Variants in AMY2B observed in about 807,000 individuals in gnomAD.
AMY2B encodes the protein amylase alpha 2B.
Under a neutral mutation model 59.3 loss-of-function variants are expected in AMY2B, and 63 were observed. That is an observed-to-expected ratio of 1.06 (90% CI 0.87 to 1.31). The LOEUF (loss-of-function observed/expected upper bound fraction) is 1.31. Among genes scored for constraint, AMY2B ranks in the 50% most tolerant of loss-of-function variants. The pLI is 0.00. For synonymous variants in AMY2B, 180 were observed against 198.1 expected, an observed-to-expected ratio of 0.91 and a Z score of 0.77; for missense variants, 635 against 626.7, an observed-to-expected ratio of 1.01 and a Z score of -0.14.
chr1:103,560,955 G>T (rs547143485), intron 1 of AMY2B, among the ~76,000 whole-genome samples: 15 of 152,020 alleles, frequency 9.9e-5, no homozygotes, highest in African/African-American at 3.4e-4. Context: ...ACTACAATTT[G>T]ACCATTAATA....
upstream of AMY2B, chr1:103,570,003 T>G: frequency 2.3e-6 from 1 of 442,366 alleles, no homozygotes; most frequent in South Asian, 1.9e-5. Flanking sequence ...ACACTGGCAT[T>G]GTCATGGGCT....
chr1:103,574,478 C>G, intron 5 of AMY2B, 85 bp downstream of exon 5: 1 of 1,598,682 alleles, frequency 6.3e-7, no homozygotes, highest in South Asian at 1.1e-5. Context: ...CTGGAACATT[C>G]TTTTTCAGAC....
intron 1 of AMY2B, among the ~76,000 whole-genome samples, chr1:103,563,665 T>C (rs1651810909): frequency 6.6e-6 from 1 of 152,116 alleles, no homozygotes; most frequent in South Asian, 2.1e-4. Context: ...CATGCAGTGC[T>C]AAATTCCCTA....
chr1:103,563,460 A>G (rs993324703), intron 1 of AMY2B, among the ~76,000 whole-genome samples: 8 of 152,148 alleles, frequency 5.3e-5, no homozygotes, highest in Non-Finnish European at 1.0e-4. Context: ...GATGCCGAAG[A>G]TGCTAAGAAT....
In AMY2B at chr1:103,579,349, G is replaced by A; in HGVS notation, c.1385G>A (p.Gly462Asp). The A allele has an allele frequency of 6.2e-7, 1 of 1,611,708 alleles. No individual in the cohort carries two copies. Among genetic ancestry groups the A allele is most frequent in the Non-Finnish European group, 8.5e-7 (1 of 1,179,702 alleles). The change falls in exon 10 of 10, where the codon GGC becomes GAC. Residue 462 changes from glycine (G) to aspartate (D), a missense_variant. Coordinates refer to ENST00000684275, the MANE Select transcript of AMY2B (RefSeq NM_001387437.1). ...SLTLQTGLPA[G>D]TYCDVISGDK... is the part of the protein sequence containing the mutation. ...ACTTTGCAAACTGGTCTTCCTGCTG[G>A]CACATACTGTGATGTCATTTCTGGA...
intron 7 of AMY2B, 59 bp from the exon 8 acceptor site, chr1:103,577,431 G>C: frequency 6.2e-7 from 1 of 1,611,168 alleles, no homozygotes; most frequent in Admixed American, 1.7e-5. Flanking sequence ...TTGGTTTAAA[G>C]GAGAAGGAAG....
upstream of AMY2B, chr1:103,570,545 A>G (rs1434131552): frequency 7.2e-5 from 44 of 607,302 alleles, no homozygotes. Flanking sequence ...TCGCATCCCC[A>G]GAGCACAAGT....
chr1:103,573,368 GAC>G, intron 3 of AMY2B, 108 bp downstream of exon 3: 1 of 1,559,868 alleles, frequency 6.4e-7, no homozygotes, highest in Non-Finnish European at 8.7e-7. Context: ...ATCTCTTAGG[GAC>G]ACAGGTTAAC....
intron 8 of AMY2B, 41 bp from the exon 9 acceptor site, chr1:103,577,679 G>A: frequency 1.4e-5 from 23 of 1,611,878 alleles, no homozygotes; most frequent in Non-Finnish European, 1.8e-5. Context: ...AACAGTTGAA[G>A]TTTAAGAATA....
Position 103,573,915 on chromosome 1 carries a change from A to T in AMY2B, c.721A>T (p.Ser241Cys), listed in dbSNP as rs1652240321. Residue 241 changes from serine (S) to cysteine (C), a missense_variant, in exon 4 of 10, where the codon AGT becomes TGT. Physicochemically the swap from Ser to Cys is moderately radical, Grantham distance 112 (BLOSUM62 -1). Coordinates refer to ENST00000684275, the MANE Select transcript of AMY2B (RefSeq NM_001387437.1). ...NLNSNWFPAG[S>C]KPFIYQEVID... ...AAACAGTAACTGGTTCCCTGCAGGA[A>T]GTAAACCTTTCATTTACCAGGAGGT... The T allele has an allele frequency of 1.2e-6, 2 of 1,613,744 alleles. No homozygotes were observed. Among genetic ancestry groups the T allele is most frequent in the Non-Finnish European group, 8.5e-7 (1 of 1,179,768 alleles).
intron 1 of AMY2B, among the ~76,000 whole-genome samples, chr1:103,564,345 C>A (rs1048249222): frequency 6.6e-6 from 1 of 152,080 alleles, no homozygotes; most frequent in Non-Finnish European, 1.5e-5. Context: ...CCCCTCTTCT[C>A]TGTCAACTCT....
chr1:103,556,931 G>A (rs1234448011), intron 1 of AMY2B, among the ~76,000 whole-genome samples: 2 of 151,990 alleles, frequency 1.3e-5, no homozygotes, highest in African/African-American at 4.8e-5. Flanking sequence ...AGTAATTCAT[G>A]CTAACAAATA....
upstream of AMY2B, chr1:103,569,353 T>G (rs1158272072): frequency 1.1e-5 from 2 of 176,482 alleles, no homozygotes; most frequent in African/African-American, 4.8e-5. Context: ...AATACAGTCC[T>G]TATGTGTTTA....
chr1:103,571,782 T>G lies in AMY2B; in HGVS notation c.168+12T>G, dbSNP rs781451040. ...TTGGAGGGGTTCAGGTGGGTATGAT[T>G]CATAGTATCAATTGCAGAATTCACT... On this transcript the variant is annotated intron_variant, in intron 1 of 9. Transcript: ENST00000684275. 4 of 1,611,972 alleles carry G rather than the reference T, an allele frequency of 2.5e-6. No individual in the cohort carries two copies. In the Admixed American group the frequency reaches 6.7e-5, roughly 27 times the overall value.
rs1257525577 is a variant in AMY2B at position 103,562,397 on chromosome 1, CTTATT to C, written c.-206-3030_-206-3026del. 8.5e-5 allele frequency among the ~76,000 whole-genome samples: 13 copies of C among 152,134 alleles called. 1 individual carries two copies. The highest frequency in any genetic ancestry group is 2.1e-4 in the South Asian group (1 of 4,822). ...TCCTGAGTTCAGGTTTATTTTCTTT[CTTATT>C]TTATTTTCAAAAGAAAAACAGAAAA... On this transcript the variant is annotated intron_variant, in intron 1 of 11. Coordinates refer to the AMY2B transcript ENST00000361355.
In AMY2B at chr1:103,573,094, A is replaced by T; in HGVS notation, c.347A>T (p.His116Leu). 6.2e-7 allele frequency: 1 copy of T among 1,613,752 alleles called. No homozygotes were observed. The highest frequency in any genetic ancestry group is 8.5e-7 in the Non-Finnish European group (1 of 1,179,706). The change falls in exon 3 of 10, where the codon CAT (histidine) becomes CTT (leucine). Residue 116 changes from histidine (H) to leucine (L), a missense_variant. By Grantham distance (99) the His-to-Leu change is moderately conservative. Coordinates refer to ENST00000684275, the MANE Select transcript of AMY2B (RefSeq NM_001387437.1). Reference sequence around the variant, plus strand: ...ATTTATGTGGATGCTGTAATTAATCATATGTCTGGTAATGCTGTGAGTGCA... The same window carrying T: ...ATTTATGTGGATGCTGTAATTAATCTTATGTCTGGTAATGCTGTGAGTGCA... Reference protein sequence around the residue: ...VRIYVDAVINHMSGNAVSAGT... With the variant: ...VRIYVDAVINLMSGNAVSAGT...
chr1:103,561,377 C>T lies in AMY2B; in HGVS notation c.-206-4058C>T, dbSNP rs905504649. ...CCACCTCCTGGGTTCAAGCAATTCT[C>T]CTGCCTCTGCCTCCTAAGTAGCTGG... On this transcript the variant is annotated intron_variant, in intron 1 of 11. Transcript: ENST00000361355. 1.3e-5 allele frequency among the ~76,000 whole-genome samples: 2 copies of T among 152,096 alleles called. 1 individual carries two copies. The highest frequency in any genetic ancestry group is 4.1e-4 in the South Asian group (2 of 4,828).
intron 7 of AMY2B, among the ~76,000 whole-genome samples, chr1:103,575,954 A>T (rs556693225): frequency 6.6e-6 from 1 of 152,160 alleles, no homozygotes; most frequent in East Asian, 1.9e-4. Flanking sequence ...TATTTTTAAA[A>T]AGTTATATGG....
At chr1:103,562,723 T>C (rs1651775310) in intron 1 of AMY2B, among the ~76,000 whole-genome samples, 1 of 147,374 alleles carries the variant, frequency 6.8e-6, no homozygotes, top group African/African-American at 2.5e-5. Context: ...GTTAAAAAAC[T>C]ATAATATCTG....
Sources: gnomAD v4.1 joint callset for allele counts (sites outside exome capture counted in the v4.1 genomes callset) on GRCh38, gnomAD v4.1.1 for gene constraint, MANE v1.5 for transcripts, NCBI Gene and HGNC (gene_info 2026-07-23, HGNC 2026-07-21) for gene names.